TTN: variants seen among roughly 807,000 people sequenced by gnomAD.
The protein encoded by TTN is connectin.
A neutral mutation model predicts 3,223.0 loss-of-function variants in TTN; 1,525 were observed. The observed-to-expected ratio is 0.47, with a 90% CI of 0.45 to 0.49. The LOEUF (loss-of-function observed/expected upper bound fraction) is 0.49. Among genes scored for constraint, TTN ranks in the 20% least tolerant of loss-of-function variants. The pLI is 0.00. For synonymous variants in TTN, 14,094 were observed against 15,161.0 expected, an observed-to-expected ratio of 0.93 and a Z score of 5.17; for missense variants, 40,786 against 43,424.0, an observed-to-expected ratio of 0.94 and a Z score of 5.40.
At position 178,717,648 on chromosome 2, in the gene TTN, G is replaced by T. The variant is rs764182857; in HGVS notation, c.25226C>A (p.Ser8409Tyr). The T allele has an allele frequency of 1.9e-6, 3 of 1,613,354 alleles. No homozygotes were observed. Among genetic ancestry groups the T allele is most frequent in the African/African-American group, 1.3e-5 (1 of 75,016 alleles). Residue 8409 changes from serine to tyrosine, a missense_variant, in exon 87 of 363, where the codon TCT (serine) becomes TAT (tyrosine). Physicochemically the swap from Ser to Tyr is moderately radical, Grantham distance 144. Coordinates refer to ENST00000589042, the MANE Select transcript of TTN (RefSeq NM_001267550.2). The part of the protein sequence containing the change: ...LLKDDANLQT[S>Y]FVHNVATLQI... ...AAGAGTTGCTACATTATGAACAAAA[G>T]ATGTCTGCAAATTAGCATCATCTTT... is the stretch of plus-strand genomic sequence containing the variant.
chr2:178,750,039 T>C (rs768379050), intron 47 of TTN: 2 of 1,613,236 alleles, frequency 1.2e-6, no homozygotes, highest in Admixed American at 1.7e-5. Flanking sequence ...AACACTTCTT[T>C]AGACTCTTTA....
chr2:178,678,293 T>G, intron 144 of TTN, 85 bp from the exon 145 acceptor site: 1 of 1,525,202 alleles, frequency 6.6e-7, no homozygotes, highest in Non-Finnish European at 8.9e-7. Context: ...ACAAAATATC[T>G]GACATATTTC....
chr2:178,559,505 G>A lies in TTN; in HGVS notation c.86627C>T (p.Pro28876Leu), dbSNP rs987601709. The A allele has an allele frequency of 6.2e-7, 1 of 1,613,680 alleles. No individual in the cohort carries two copies. The highest frequency in any genetic ancestry group is 8.5e-7 in the Non-Finnish European group (1 of 1,179,730). ...TTTTTCTATGTGGTAATTCTTCACT[G>A]GTGCTCCACCATCGTTTTCAGGAAC... ...WDVPENDGGA[P>L]VKNYHIEKRE... The change falls in exon 326 of 363, where the codon CCA becomes CTA. Residue 28876 changes from proline to leucine, a missense_variant. Pro to Leu is a moderately conservative substitution (Grantham distance 98). Transcript: ENST00000589042.
intron 86 of TTN, 55 bp from the exon 87 acceptor site, chr2:178,717,865 T>C (rs571852295): frequency 1.8e-5 from 28 of 1,574,724 alleles, no homozygotes; most frequent in Non-Finnish European, 2.3e-5. Context: ...ATCCACAACA[T>C]ATTTCAATTC....
At chr2:178,699,538 A>G (rs1011297671) in intron 111 of TTN, among the ~76,000 whole-genome samples, 9 of 142,512 alleles carry the variant, frequency 6.3e-5, no homozygotes, top group Non-Finnish European at 7.6e-5. Context: ...CAGCCTCCCG[A>G]GTAGCTGGGA....
In TTN at chr2:178,650,138, C is replaced by T. The variant is rs902787802; in HGVS notation, c.39817+26G>A. The T allele has an allele frequency of 2.6e-6, 4 of 1,521,858 alleles. No homozygotes were observed. In the South Asian group the frequency reaches 3.7e-5, roughly 14 times the overall value. The allele number at this position is 1,521,858 out of a possible 1,614,324, so 94.3% of individuals were successfully genotyped here. A position where few individuals can be genotyped will look rare whatever the true frequency, so the allele number is the denominator to read the frequency against. ...ATGAAAAATGAAATGACTGTATTTT[C>T]CCATACAGTGGATTCTGCTTTGTAC... On this transcript the variant is annotated intron_variant, in intron 210 of 362. Transcript: ENST00000589042.
Position 178,750,013 on chromosome 2 carries a change from C to T in TTN, c.11311+3111G>A, listed in dbSNP as rs142887857. ...GATCTTGAGGCATTGCTTTAGGTTC[C>T]AGCTCCTCAGTTTGAAACACTTCTT... On this transcript the variant is annotated intron_variant, in intron 47 of 362. Coordinates refer to ENST00000589042, the MANE Select transcript of TTN (RefSeq NM_001267550.2). 220 of 1,613,034 alleles carry T rather than the reference C, an allele frequency of 1.4e-4. No homozygotes were observed. The highest frequency in any genetic ancestry group is 1.7e-4 in the Non-Finnish European group (203 of 1,179,492).
Position 178,757,617 on chromosome 2 carries a change from C to T in TTN, c.10603G>A (p.Gly3535Arg), listed in dbSNP as rs374978923. ...TTGGCTGCTTTGCAAGAGTACTGCC[C>T]AGCATGCTCTGAGTAAGCATCAACT... is the stretch of plus-strand genomic sequence containing the variant. ...LIVDAYSEHA[G>R]QYSCKAANSA... Residue 3535 changes from glycine to arginine, a missense_variant, in exon 45 of 363, where the codon GGG (glycine) becomes AGG (arginine). Transcript: ENST00000589042. 17 of 1,613,318 alleles carry T rather than the reference C, an allele frequency of 1.1e-5. No homozygotes were observed. Among genetic ancestry groups the T allele is most frequent in the South Asian group, 8.8e-5 (8 of 90,990 alleles).
At chr2:178,667,043 G>A (rs1375378088) in intron 162 of TTN, 142 bp from the exon 163 acceptor site, 14 of 920,920 alleles carry the variant, frequency 1.5e-5, no homozygotes, top group Admixed American at 3.2e-5. Flanking sequence ...TTTTATCTTT[G>A]TATATTATAT....
At chr2:178,617,684 T>G in intron 253 of TTN, 95 bp downstream of exon 253, 2 of 1,503,834 alleles carry the variant, frequency 1.3e-6, no homozygotes, top group Non-Finnish European at 1.8e-6. Context: ...TATTCTACCT[T>G]TTTATTAACT....
intron 113 of TTN, 57 bp downstream of exon 113, chr2:178,697,064 T>C: frequency 5.0e-6 from 7 of 1,400,450 alleles, no homozygotes; most frequent in Non-Finnish European, 6.9e-6. Flanking sequence ...TAAGAATAGT[T>C]AGCAGAAGTG....
intron 144 of TTN, 27 bp downstream of exon 144, chr2:178,678,387 A>G (rs1229014335): frequency 1.3e-6 from 2 of 1,561,766 alleles, no homozygotes; most frequent in Middle Eastern, 1.7e-4. Context: ...TTTTCCCCCA[A>G]GTACTCTAAG....
chr2:178,626,543 A>G (rs114233724), intron 240 of TTN, among the ~76,000 whole-genome samples: 2,619 of 152,110 alleles, frequency 0.017, 62 homozygotes, highest in African/African-American at 0.057. Context: ...ATGCTAGTGT[A>G]AAGAAAAGAA....
Position 178,664,010 on chromosome 2 carries a change from A to C in TTN, c.36364+5T>G. 6.2e-7 allele frequency: 1 copy of C among 1,613,250 alleles called. No homozygotes were observed. The highest frequency in any genetic ancestry group is 1.1e-5 in the South Asian group (1 of 91,066). ...CTTCTGAAGCCTAAAGTCAGTGACA[A>C]ATACCTTTAACAGGTGGGACTTCAG... On this transcript the variant is annotated splice_donor_5th_base_variant and intron_variant, in intron 169 of 362. Transcript: ENST00000589042.
In TTN at chr2:178,566,965, T is replaced by A. The variant is rs775104995; in HGVS notation, c.79167A>T (p.Pro26389=). The change falls in exon 326 of 363, where the codon CCA becomes CCT. Residue 26389 remains proline, a synonymous_variant. Transcript: ENST00000589042. ...TATTTGTGACTTCCAAGCTTTTTGG[T>A]GGTCCAGGAAGCACAAATGGATTTT... The part of the protein sequence containing the change: ...LMKNPFVLPG[P]PKSLEVTNIA... 1 of 1,613,630 alleles carries A rather than the reference T, an allele frequency of 6.2e-7. No homozygotes were observed. Among genetic ancestry groups the A allele is most frequent in the South Asian group, 1.1e-5 (1 of 91,080 alleles).
At chr2:178,538,490 T>G (rs895221129) in intron 354 of TTN, 50 bp downstream of exon 354, 1 of 1,541,442 alleles carries the variant, frequency 6.5e-7, no homozygotes, top group African/African-American at 1.4e-5. Context: ...GGAATTAGCC[T>G]TAACTTGTTT....
intron 238 of TTN, 28 bp downstream of exon 238, chr2:178,630,776 G>A: frequency 6.3e-7 from 1 of 1,599,452 alleles, no homozygotes; most frequent in Non-Finnish European, 8.5e-7. Context: ...GCTCCTTTAG[G>A]TGTTGACAAG....
At position 178,618,779 on chromosome 2, in the gene TTN, A is replaced by G. The variant is rs775496863; in HGVS notation, c.46771T>C (p.Tyr15591His). The change falls in exon 251 of 363, where the codon TAT (tyrosine) becomes CAT (histidine). Residue 15591 changes from tyrosine to histidine, a missense_variant. Coordinates refer to ENST00000589042, the MANE Select transcript of TTN (RefSeq NM_001267550.2). ...VGKPLTMVVP[Y>H]DAYPKAEAEW... ...GCTTCTGCTTTGGGGTAGGCATCAT[A>G]TGGCACCACCATTGTCAGAGGCTTG... 27 of 1,611,574 alleles carry G rather than the reference A, an allele frequency of 1.7e-5. No individual in the cohort carries two copies. In the Middle Eastern group the frequency reaches 5.1e-4, roughly 31 times the overall value.
In TTN at chr2:178,621,222, C is replaced by T; in HGVS notation, c.45496G>A (p.Asp15166Asn). The T allele has an allele frequency of 6.2e-7, 1 of 1,612,376 alleles. No individual in the cohort carries two copies. Among genetic ancestry groups the T allele is most frequent in the Non-Finnish European group, 8.5e-7 (1 of 1,179,132 alleles). ...DKTLESGDKY[D>N]VIADGKKRVL... ...CTCTTTTTACCATCAGCAATAACGT[C>T]ATATTTATCTCCAGATTCAAGTGTC... The change falls in exon 246 of 363, where the codon GAC (aspartate) becomes AAC (asparagine). Residue 15166 changes from aspartate (D) to asparagine (N), a missense_variant. Transcript: ENST00000589042.
Sources: allele counts gnomAD v4.1 joint callset (sites outside exome capture counted in the v4.1 genomes callset), GRCh38; gene constraint gnomAD v4.1.1; transcripts MANE v1.5; gene names NCBI Gene and HGNC (gene_info 2026-07-23, HGNC 2026-07-21).